Variants in PKIA observed in about 807,000 individuals in gnomAD.
PKIA encodes PKI-alpha.
In PKIA, 4 loss-of-function variants were observed where a neutral mutation model predicts 7.6. The ratio of observed to expected loss-of-function variants is 0.52; its 90% confidence interval spans 0.26 to 1.20. The LOEUF (loss-of-function observed/expected upper bound fraction) is 1.20, where lower values mean the gene tolerates loss of function less well. Among genes scored for constraint, PKIA ranks in the 50% most tolerant of loss-of-function variants. The pLI is 0.13. For synonymous variants in PKIA, 21 were observed against 30.7 expected, an observed-to-expected ratio of 0.68 and a Z score of 1.04; for missense variants, 73 against 86.2, an observed-to-expected ratio of 0.85 and a Z score of 0.61.
chr8:78,544,244 C>T (rs1317261882), intron 1 of PKIA, among the ~76,000 whole-genome samples: 4 of 152,160 alleles, frequency 2.6e-5, no homozygotes, highest in African/African-American at 9.6e-5. Context: ...TAACACTTAA[C>T]TTTAAATTCT....
At chr8:78,597,640 A>G (rs1808256612) in intron 2 of PKIA, among the ~76,000 whole-genome samples, 1 of 152,222 alleles carries the variant, frequency 6.6e-6, no homozygotes, top group Non-Finnish European at 1.5e-5. Context: ...AAATGGTATT[A>G]GAGAAAGAAA....
At chr8:78,568,229 G>A (rs192321684) in intron 1 of PKIA, among the ~76,000 whole-genome samples, 81 of 152,222 alleles carry the variant, frequency 5.3e-4, no homozygotes, top group African/African-American at 1.9e-3. Flanking sequence ...TTATATTAAT[G>A]TCTCCAACCC....
intron 1 of PKIA, among the ~76,000 whole-genome samples, chr8:78,544,646 A>G (rs1234794469): frequency 1.3e-5 from 2 of 152,202 alleles, no homozygotes; most frequent in Non-Finnish European, 2.9e-5. Context: ...AATACTTTTC[A>G]TCTATTAATC....
At chr8:78,596,896 A>T in intron 2 of PKIA, among the ~76,000 whole-genome samples, 1 of 152,326 alleles carries the variant, frequency 6.6e-6, no homozygotes, top group East Asian at 1.9e-4. Flanking sequence ...TTCAATCTAC[A>T]TGTGGCTAGC....
intron 1 of PKIA, among the ~76,000 whole-genome samples, chr8:78,561,463 T>G (rs1376051058): frequency 4.0e-5 from 6 of 150,762 alleles, no homozygotes; most frequent in African/African-American, 1.5e-4. Context: ...GTTTTTTTGT[T>G]TTTTTTTTTC....
chr8:78,524,141 CATTTATATTTATATATAAAT>C (rs1809491442), intron 1 of PKIA, among the ~76,000 whole-genome samples: 1 of 128,776 alleles, frequency 7.8e-6, no homozygotes, highest in African/African-American at 3.0e-5. Context: ...TATATATAAA[CATTTATATTTATATATAAAT>C]ATATGTATAA....
intron 2 of PKIA, among the ~76,000 whole-genome samples, chr8:78,577,213 G>A (rs577837997): frequency 2.0e-5 from 3 of 151,862 alleles, no homozygotes; most frequent in South Asian, 2.1e-4. Flanking sequence ...CCATTAACTC[G>A]TCATTTACAT....
At chr8:78,562,266 A>T (rs192676372) in intron 1 of PKIA, among the ~76,000 whole-genome samples, 7 of 152,294 alleles carry the variant, frequency 4.6e-5, no homozygotes, top group Admixed American at 1.3e-4. Context: ...ATCATCAGTG[A>T]ACTAGTCATT....
chr8:78,566,004 A>G (rs935150050), intron 1 of PKIA, among the ~76,000 whole-genome samples: 1 of 152,022 alleles, frequency 6.6e-6, no homozygotes, highest in Non-Finnish European at 1.5e-5. Flanking sequence ...AATAAGTTCT[A>G]CTTTTCAAGA....
chr8:78,569,085 C>T (rs1173474216), intron 1 of PKIA, among the ~76,000 whole-genome samples: 1 of 152,074 alleles, frequency 6.6e-6, no homozygotes, highest in Non-Finnish European at 1.5e-5. Flanking sequence ...GGGAGCTAAG[C>T]CCCCGCCTCT....
intron 1 of PKIA, among the ~76,000 whole-genome samples, chr8:78,570,438 T>C (rs1807518648): frequency 6.6e-6 from 1 of 152,164 alleles, no homozygotes; most frequent in Non-Finnish European, 1.5e-5. Context: ...CATATCCAGT[T>C]TCTTCTTTGG....
chr8:78,605,030 G>A lies in PKIA; in HGVS notation c.*3209G>A, dbSNP rs750435939. On this transcript the variant is annotated 3_prime_UTR_variant, in exon 4 of 4. Transcript: ENST00000396418. ...GATAAAGAAATGTAACTGCCGGGCA[G>A]CAAAGCTTCTAAGTGAAACCTGTAG... is the stretch of plus-strand genomic sequence containing the variant. 4 of 151,956 alleles carry A rather than the reference G, an allele frequency of 2.6e-5. No homozygotes were observed. Among genetic ancestry groups the A allele is most frequent in the Non-Finnish European group, 4.4e-5 (3 of 67,944 alleles). The allele number at this position is 151,956 out of a possible 1,614,324, so 9.4% of individuals were successfully genotyped here.
intron 1 of PKIA, among the ~76,000 whole-genome samples, chr8:78,569,340 G>A (rs1807494964): frequency 2.0e-5 from 3 of 152,126 alleles, no homozygotes; most frequent in Non-Finnish European, 4.4e-5. Context: ...TGGTATGAGT[G>A]GTCCCATTCT....
At chr8:78,566,336 T>A (rs574786736) in intron 1 of PKIA, among the ~76,000 whole-genome samples, 7 of 152,034 alleles carry the variant, frequency 4.6e-5, no homozygotes, top group Non-Finnish European at 7.4e-5. Context: ...TGGTGAGTGA[T>A]CTCTGAGTAG....
intron 1 of PKIA, among the ~76,000 whole-genome samples, chr8:78,551,336 T>C (rs143374180): frequency 6.6e-6 from 1 of 152,056 alleles, no homozygotes; most frequent in Non-Finnish European, 1.5e-5. Flanking sequence ...GTATGGTATA[T>C]GGTAGACACC....
At chr8:78,563,835 C>T (rs1461380954) in intron 1 of PKIA, among the ~76,000 whole-genome samples, 1 of 152,098 alleles carries the variant, frequency 6.6e-6, no homozygotes, top group Non-Finnish European at 1.5e-5. Flanking sequence ...ATACTTTTTA[C>T]TATTTTAAAT....
At chr8:78,566,586 A>G (rs576094381) in intron 1 of PKIA, among the ~76,000 whole-genome samples, 1 of 152,238 alleles carries the variant, frequency 6.6e-6, no homozygotes, top group South Asian at 2.1e-4. Context: ...ATTGATGAGC[A>G]TACTATCCTG....
chr8:78,598,383 C>T lies in PKIA; in HGVS notation c.-2C>T, dbSNP rs1487392364. 6.2e-6 allele frequency: 10 copies of T among 1,607,122 alleles called. No individual in the cohort carries two copies. Among genetic ancestry groups the T allele is most frequent in the Non-Finnish European group, 7.7e-6 (9 of 1,175,412 alleles). ...TCCCTGCTATGTGGATATTTGGTAG[C>T]AATGACTGATGTGGAAACTACATAT... On this transcript the variant is annotated 5_prime_UTR_variant, in exon 3 of 4. Coordinates refer to ENST00000396418, the MANE Select transcript of PKIA (RefSeq NM_006823.4).
At chr8:78,594,694 T>C (rs919412865) in intron 2 of PKIA, among the ~76,000 whole-genome samples, 5 of 152,086 alleles carry the variant, frequency 3.3e-5, no homozygotes, top group African/African-American at 1.2e-4. Flanking sequence ...GGAAATATAT[T>C]CTCCAACATG....
Sources: gnomAD v4.1 joint callset for allele counts (sites outside exome capture counted in the v4.1 genomes callset) on GRCh38, gnomAD v4.1.1 for gene constraint, MANE v1.5 for transcripts, NCBI Gene and HGNC (gene_info 2026-07-23, HGNC 2026-07-21) for gene names.